Variants in MSANTD1 observed in about 807,000 individuals in gnomAD.
MSANTD1 encodes myb/SANT-like DNA-binding domain-containing protein 1.
A neutral mutation model predicts 24.2 loss-of-function variants in MSANTD1; 7 were observed. That is an observed-to-expected ratio of 0.29 (90% CI 0.16 to 0.54). The LOEUF is 0.54. Ranked by LOEUF, MSANTD1 falls within the 20% of genes least tolerant of loss-of-function variation. MSANTD1 has a pLI of 0.94. For missense variants in MSANTD1, 384 were observed against 408.2 expected (o/e 0.94, Z 0.51); for synonymous variants, 177 against 181.1 (o/e 0.98, Z 0.18).
Position 3,249,257 on chromosome 4 carries a change from G to A in MSANTD1, c.35G>A (p.Ser12Asn), listed in dbSNP as rs764796547. 3.0e-5 allele frequency: 45 copies of A among 1,475,680 alleles called. No homozygotes were observed. Among genetic ancestry groups the A allele is most frequent in the Middle Eastern group, 4.0e-4 (2 of 4,948 alleles). The allele number at this position is 1,475,680 out of a possible 1,614,324, so 91.4% of individuals were successfully genotyped here. A position where few individuals can be genotyped will look rare whatever the true frequency, so the allele number is the denominator to read the frequency against. ...GGGGCCGGGCCGGGGCCCTCGCTGA[G>A]CGCGCTCTCTCACCCCACAGGCGCC... ...VRGAGPGPSL[S>N]ALSHPTGASG... The change falls in exon 1 of 3, where the codon AGC (serine) becomes AAC (asparagine). Residue 12 changes from serine to asparagine, a missense_variant. By Grantham distance (46) the Ser-to-Asn change is conservative. Transcript: ENST00000438480.
At chr4:3,246,320 C>T (rs112437523), upstream of MSANTD1, among the ~76,000 whole-genome samples, 11 of 152,356 alleles carry the variant, frequency 7.2e-5, no homozygotes, top group African/African-American at 2.6e-4. Flanking sequence ...GTGGGACGCC[C>T]ACCTCCTCTC....
At chr4:3,247,240 G>A (rs1321739487), upstream of MSANTD1, among the ~76,000 whole-genome samples, 2 of 152,166 alleles carry the variant, frequency 1.3e-5, no homozygotes, top group African/African-American at 2.4e-5. Flanking sequence ...CTGTTGTGGA[G>A]GTGAGGAAAC....
rs111414115 is a variant in MSANTD1, at chr4:3,250,191, C to T, written c.320+649C>T. Among the ~76,000 whole-genome samples the T allele has an allele frequency of 7.1e-4, 108 of 152,294 alleles. 1 individual carries two copies. Among genetic ancestry groups the T allele is most frequent in the African/African-American group, 2.4e-3 (100 of 41,552 alleles). On this transcript the variant is annotated intron_variant, in intron 1 of 2. Transcript: ENST00000438480. ...CAGCGCATGGGTGGGGCTTACGGTG[C>T]GAAGAAGAAAGAGGTGGAGGCCTGC...
chr4:3,251,169 G>T (rs1722217319), intron 1 of MSANTD1, among the ~76,000 whole-genome samples: 2 of 152,238 alleles, frequency 1.3e-5, no homozygotes, highest in Non-Finnish European at 2.9e-5. Context: ...TGTTCCCGTG[G>T]CCTCCTAGTC....
At chr4:3,250,647 C>T (rs914707274) in intron 1 of MSANTD1, among the ~76,000 whole-genome samples, 6 of 152,322 alleles carry the variant, frequency 3.9e-5, no homozygotes, top group Middle Eastern at 3.4e-3. Context: ...GAGCACCCGG[C>T]CCTGTGGGCG....
upstream of MSANTD1, chr4:3,247,794 G>A (rs61790489): frequency 0.038 from 5,840 of 152,380 alleles, 194 homozygotes; most frequent in African/African-American, 0.082. Flanking sequence ...GCCCCAGTTC[G>A]CCTTCCCTAT....
chr4:3,253,608 C>A, intron 2 of MSANTD1, 126 bp downstream of exon 2: 1 of 1,020,922 alleles, frequency 9.8e-7, no homozygotes, highest in Admixed American at 3.0e-5. Context: ...TGGCTGCGGG[C>A]AGCGCCTCCA....
intron 2 of MSANTD1, among the ~76,000 whole-genome samples, chr4:3,254,606 T>C (rs1469380223): frequency 6.6e-6 from 1 of 152,214 alleles, no homozygotes; most frequent in Non-Finnish European, 1.5e-5. Context: ...AGCAGGGCCC[T>C]GGGGTCTGTG....
Position 3,249,454 on chromosome 4 carries a change from A to T in MSANTD1, c.232A>T (p.Met78Leu), listed in dbSNP as rs1210651422. The part of the protein sequence containing the change: ...TKRNAKVYEK[M>L]ASKLFEMTGE... ...GCGCAACGCCAAGGTGTACGAGAAG[A>T]TGGCCAGCAAGCTCTTCGAGATGAC... Residue 78 changes from methionine (M) to leucine (L), a missense_variant, in exon 1 of 3, where the codon ATG (methionine) becomes TTG (leucine). By Grantham distance (15) the Met-to-Leu change is conservative (BLOSUM62 2). Transcript: ENST00000438480. The T allele has an allele frequency of 6.2e-7, 1 of 1,611,464 alleles. No individual in the cohort carries two copies.
At chr4:3,254,316 C>G (rs1459476794) in intron 2 of MSANTD1, among the ~76,000 whole-genome samples, 1 of 152,186 alleles carries the variant, frequency 6.6e-6, no homozygotes, top group East Asian at 1.9e-4. Flanking sequence ...CCTCTCATGC[C>G]GGGGGCCGCT....
chr4:3,254,689 T>A (rs1419090524), intron 2 of MSANTD1, among the ~76,000 whole-genome samples: 2 of 152,036 alleles, frequency 1.3e-5, no homozygotes, highest in South Asian at 2.1e-4. Context: ...GCAGCAGAGC[T>A]CTCAGGAGGC....
chr4:3,249,194 CGAGCGAGCGT>C lies in MSANTD1; in HGVS notation c.-23_-14del, dbSNP rs1409481145. 1.5e-6 allele frequency: 2 copies of C among 1,359,174 alleles called. No individual in the cohort carries two copies. Among genetic ancestry groups the C allele is most frequent in the East Asian group, 5.8e-5 (2 of 34,672 alleles). 84.2% of individuals were successfully genotyped at this position (1,359,174 alleles called of 1,614,324 possible). On this transcript the variant is annotated 5_prime_UTR_variant, in exon 1 of 3. Coordinates refer to ENST00000438480, the MANE Select transcript of MSANTD1 (RefSeq NM_001042690.2). Reference sequence around the variant, plus strand: ...CCCATTTTGAGCGTGGAGCTGCCTTCGAGCGAGCGTGAGCGGCGCCTCCCGCCCATGGTGC... The same window carrying C: ...CCCATTTTGAGCGTGGAGCTGCCTTCGAGCGGCGCCTCCCGCCCATGGTGC...
intron 1 of MSANTD1, among the ~76,000 whole-genome samples, chr4:3,251,371 C>G (rs1722222666): frequency 6.6e-6 from 1 of 152,220 alleles, no homozygotes; most frequent in Non-Finnish European, 1.5e-5. Flanking sequence ...GTTTCTGTCT[C>G]CATTCCTGGA....
In MSANTD1 at chr4:3,253,245, C is replaced by T; in HGVS notation, c.359C>T (p.Pro120Leu). 1 of 1,585,026 alleles carries T rather than the reference C, an allele frequency of 6.3e-7. No homozygotes were observed. Among genetic ancestry groups the T allele is most frequent in the Non-Finnish European group, 8.6e-7 (1 of 1,161,448 alleles). The change falls in exon 2 of 3, where the codon CCC becomes CTC. Residue 120 changes from proline to leucine, a missense_variant. Physicochemically the swap from Pro to Leu is moderately conservative, Grantham distance 98. Coordinates refer to ENST00000438480, the MANE Select transcript of MSANTD1 (RefSeq NM_001042690.2). ...KCMTDSESAP[P>L]DWPYYLAIDG... ...ATGACAGATAGCGAGTCCGCCCCGC[C>T]CGACTGGCCCTATTACCTAGCCATT...
intron 1 of MSANTD1, 140 bp from the exon 2 acceptor site, chr4:3,253,067 G>A (rs1334826726): frequency 1.1e-5 from 9 of 795,362 alleles, no homozygotes; most frequent in Non-Finnish European, 1.5e-5. Flanking sequence ...GAGCCTGGCC[G>A]ATTTTGCTGG....
chr4:3,252,280 G>A (rs1478273462), intron 1 of MSANTD1, among the ~76,000 whole-genome samples: 3 of 152,258 alleles, frequency 2.0e-5, no homozygotes, highest in Non-Finnish European at 4.4e-5. Context: ...ATGGGGCCCT[G>A]TGTCTCCTGC....
At chr4:3,252,312 C>T (rs1033480729) in intron 1 of MSANTD1, among the ~76,000 whole-genome samples, 26 of 152,216 alleles carry the variant, frequency 1.7e-4, no homozygotes, top group Non-Finnish European at 2.5e-4. Flanking sequence ...AGAGGGCAGC[C>T]GAGGCCCAGG....
chr4:3,248,947 C>T (rs147524726), upstream of MSANTD1: 754 of 349,680 alleles, frequency 2.2e-3, 21 homozygotes, highest in East Asian at 0.032. Flanking sequence ...GCCTGGGCGG[C>T]GGTGAGAGGC....
intron 2 of MSANTD1, among the ~76,000 whole-genome samples, chr4:3,253,975 C>T (rs534330352): frequency 2.6e-5 from 4 of 152,214 alleles, no homozygotes; most frequent in East Asian, 3.9e-4. Context: ...GGGCATGACC[C>T]GTCCCCTCTG....
Sources: gnomAD v4.1 joint callset for allele counts (sites outside exome capture counted in the v4.1 genomes callset) on GRCh38, gnomAD v4.1.1 for gene constraint, MANE v1.5 for transcripts, NCBI Gene and HGNC (gene_info 2026-07-23, HGNC 2026-07-21) for gene names.